The following PPP3CA variants were observed in gnomAD, a reference collection of about 807,000 sequenced individuals.
The protein encoded by PPP3CA is protein phosphatase 3 catalytic subunit alpha, also known as CAM-PRP catalytic subunit.
In PPP3CA, 14 loss-of-function variants were observed where a neutral mutation model predicts 66.5. The ratio of observed to expected loss-of-function variants is 0.21; its 90% CI spans 0.14 to 0.33. PPP3CA has a LOEUF of 0.33. PPP3CA is among the 10% of genes least tolerant of loss of function. PPP3CA has a pLI of 1.00. For synonymous variants in PPP3CA, 232 were observed against 226.2 expected (o/e 1.03, Z -0.23); for missense variants, 317 against 639.5 (o/e 0.50, Z 5.44).
intron 1 of PPP3CA, among the ~76,000 whole-genome samples, chr4:101,309,278 T>C (rs1264598466): frequency 6.6e-6 from 1 of 152,208 alleles, no homozygotes; most frequent in African/African-American, 2.4e-5. Context: ...GGTATTATCT[T>C]GGTACTTCCT....
chr4:101,193,477 G>T (rs896761420), intron 2 of PPP3CA, among the ~76,000 whole-genome samples: 13 of 145,892 alleles, frequency 8.9e-5, no homozygotes, highest in Admixed American at 8.9e-4. Flanking sequence ...TTAGCTGAAA[G>T]AAAAAAAAAA....
At chr4:101,067,743 C>G (rs936970862) in intron 8 of PPP3CA, among the ~76,000 whole-genome samples, 7 of 151,120 alleles carry the variant, frequency 4.6e-5, no homozygotes, top group African/African-American at 1.7e-4. Context: ...TGCAGCACAG[C>G]AACATGGCAC....
At chr4:101,223,232 T>C (rs1725679862) in intron 1 of PPP3CA, among the ~76,000 whole-genome samples, 1 of 151,808 alleles carries the variant, frequency 6.6e-6, no homozygotes, top group Non-Finnish European at 1.5e-5. Context: ...ATTAACTTAC[T>C]GATTCAGAAC....
chr4:101,282,656 TG>T (rs541932709), intron 1 of PPP3CA, among the ~76,000 whole-genome samples: 1 of 152,188 alleles, frequency 6.6e-6, no homozygotes, highest in African/African-American at 2.4e-5. Flanking sequence ...GTCCAAAGAC[TG>T]GGGTAGAATT....
At chr4:101,141,727 T>C (rs1408643060) in intron 2 of PPP3CA, among the ~76,000 whole-genome samples, 8 of 152,170 alleles carry the variant, frequency 5.3e-5, no homozygotes, top group Non-Finnish European at 1.0e-4. Flanking sequence ...CCTCACTTAT[T>C]TTGTATTCTT....
At chr4:101,031,962 A>G (rs991812164) in intron 12 of PPP3CA, among the ~76,000 whole-genome samples, 1 of 152,258 alleles carries the variant, frequency 6.6e-6, no homozygotes, top group Admixed American at 6.5e-5. Context: ...AGTGGCTCAA[A>G]GTAGTCAAAC....
intron 12 of PPP3CA, among the ~76,000 whole-genome samples, chr4:101,030,539 T>G (rs962628074): frequency 1.3e-5 from 2 of 152,184 alleles, no homozygotes; most frequent in Non-Finnish European, 2.9e-5. Context: ...TTTATGTGTA[T>G]GTGTGTTTGT....
chr4:101,153,383 A>G (rs927158689), intron 2 of PPP3CA, among the ~76,000 whole-genome samples: 11 of 152,166 alleles, frequency 7.2e-5, no homozygotes, highest in African/African-American at 2.7e-4. Flanking sequence ...ATAAATTACT[A>G]TGTTTATTTC....
chr4:101,277,623 A>G (rs1727544182), intron 1 of PPP3CA, among the ~76,000 whole-genome samples: 1 of 152,198 alleles, frequency 6.6e-6, no homozygotes, highest in Non-Finnish European at 1.5e-5. Context: ...AAAAATAGCC[A>G]TTATTTCTCT....
At chr4:101,306,073 G>A (rs574130722) in intron 1 of PPP3CA, among the ~76,000 whole-genome samples, 1 of 152,108 alleles carries the variant, frequency 6.6e-6, no homozygotes, top group South Asian at 2.1e-4. Flanking sequence ...TAGGTGATGA[G>A]GCAGTCCACC....
chr4:101,030,097 G>A (rs1218379775), intron 12 of PPP3CA, among the ~76,000 whole-genome samples: 1 of 152,108 alleles, frequency 6.6e-6, no homozygotes, highest in East Asian at 1.9e-4. Flanking sequence ...AGCAATTTTT[G>A]TAATAAGGTT....
At chr4:101,076,217 A>G (rs564009237) in intron 8 of PPP3CA, among the ~76,000 whole-genome samples, 3 of 152,094 alleles carry the variant, frequency 2.0e-5, no homozygotes, top group Admixed American at 6.6e-5. Context: ...GGGTATCAGC[A>G]CTGGTTATAG....
intron 2 of PPP3CA, among the ~76,000 whole-genome samples, chr4:101,124,723 AAGAG>A (rs371341410): frequency 0.011 from 527 of 48,280 alleles, 22 homozygotes; most frequent in African/African-American, 0.035. Context: ...GAAAGAAAGA[AAGAG>A]AAAGAAAGAA....
chr4:101,093,986 C>G (rs41275735), intron 5 of PPP3CA, 71 bp from the exon 6 acceptor site: 43,817 of 1,457,428 alleles, frequency 0.03, 802 homozygotes, highest in Middle Eastern at 0.074. Context: ...ATACAAGAAA[C>G]AAGCACTGTG....
intron 1 of PPP3CA, among the ~76,000 whole-genome samples, chr4:101,261,683 T>C (rs1051353773): frequency 6.6e-6 from 1 of 152,100 alleles, no homozygotes; most frequent in African/African-American, 2.4e-5. Context: ...AGTGATCTCA[T>C]TGCAAAGCAT....
rs1722158884 is a variant in PPP3CA, at chr4:101,124,713, GAAAGAAAGAAAGAGAAAGAAAGAA to G, written c.260-15659_260-15636del. 6.8e-3 allele frequency among the ~76,000 whole-genome samples: 601 copies of G among 88,878 alleles called. 1 individual carries two copies. Among genetic ancestry groups the G allele is most frequent in the Non-Finnish European group, 8.4e-3 (367 of 43,936 alleles). 58.3% of individuals were successfully genotyped at this position (88,878 alleles called of 152,430 possible). The stretch of plus-strand genomic sequence containing the variant: ...AGAAAGAAAGAAAGAAAGAAAGAAA[GAAAGAAAGAAAGAGAAAGAAAGAA>G]AGAAAGAAAGAAAGAAAGAAAGAAA... On this transcript the variant is annotated intron_variant, in intron 2 of 13. Coordinates refer to ENST00000394854, the MANE Select transcript of PPP3CA (RefSeq NM_000944.5).
intron 1 of PPP3CA, among the ~76,000 whole-genome samples, chr4:101,342,882 A>G (rs572164604): frequency 6.6e-6 from 1 of 152,300 alleles, no homozygotes; most frequent in South Asian, 2.1e-4. Flanking sequence ...ACCCAGCTAG[A>G]AATACTAGTG....
intron 2 of PPP3CA, among the ~76,000 whole-genome samples, chr4:101,187,041 G>A (rs1724433317): frequency 6.6e-6 from 1 of 152,136 alleles, no homozygotes; most frequent in South Asian, 2.1e-4. Flanking sequence ...GAGATTTAAA[G>A]AGGTGAATAT....
At chr4:101,077,927 C>T (rs989011467) in intron 8 of PPP3CA, among the ~76,000 whole-genome samples, 8 of 151,238 alleles carry the variant, frequency 5.3e-5, no homozygotes, top group African/African-American at 1.9e-4. Flanking sequence ...TCAGGCAAAA[C>T]TGCATTACCT....
Sources: gnomAD v4.1 joint callset for allele counts (sites outside exome capture counted in the v4.1 genomes callset) on GRCh38, gnomAD v4.1.1 for gene constraint, MANE v1.5 for transcripts, NCBI Gene and HGNC (gene_info 2026-07-23, HGNC 2026-07-21) for gene names.